Variants in BUB1B observed in about 807,000 individuals in gnomAD.
BUB1B encodes BUB1 mitotic checkpoint serine/threonine kinase B, also known as mitotic checkpoint serine/threonine-protein kinase BUB1 beta.
A neutral mutation model predicts 137.7 loss-of-function variants in BUB1B; 86 were observed. The ratio of observed to expected loss-of-function variants is 0.62; its 90% CI spans 0.52 to 0.75. The LOEUF is 0.75. Among genes scored for constraint, BUB1B ranks in the 30% least tolerant of loss-of-function variants. The probability of loss-of-function intolerance (pLI) is 0.00; values close to 1 mark genes in which losing one functional copy is unlikely to be tolerated. For missense variants in BUB1B, 1,130 were observed against 1,236.9 expected, an observed-to-expected ratio of 0.91 and a Z score of 1.30; for synonymous variants, 420 against 417.9, an observed-to-expected ratio of 1.00 and a Z score of -0.06.
chr15:40,165,446 A>G (rs986023085), intron 2 of BUB1B, among the ~76,000 whole-genome samples: 2 of 152,214 alleles, frequency 1.3e-5, no homozygotes, highest in African/African-American at 4.8e-5. Flanking sequence ...ATAGAAATAC[A>G]TTTTATACAG....
intron 10 of BUB1B, 28 bp from the exon 11 acceptor site, chr15:40,200,216 A>G (rs759692445): frequency 2.0e-6 from 3 of 1,507,990 alleles, no homozygotes; most frequent in East Asian, 4.6e-5. Flanking sequence ...TGGGAGGGAC[A>G]TTGATTTTGT....
chr15:40,165,497 A>G (rs1353874884), intron 2 of BUB1B, among the ~76,000 whole-genome samples: 4 of 152,226 alleles, frequency 2.6e-5, no homozygotes, highest in African/African-American at 9.6e-5. Flanking sequence ...TTATATTGCA[A>G]TGCTTCCCAA....
chr15:40,196,004 C>CT (rs1456551688), intron 8 of BUB1B, among the ~76,000 whole-genome samples: 1 of 152,068 alleles, frequency 6.6e-6, no homozygotes, highest in African/African-American at 2.4e-5. Context: ...ATCTAATTAT[C>CT]TTTGTTTTTG....
At chr15:40,193,468 C>CTTTTTTTTTTTTT (rs555918648) in intron 8 of BUB1B, among the ~76,000 whole-genome samples, 1 of 79,738 alleles carries the variant, frequency 1.3e-5, no homozygotes, top group East Asian at 3.3e-4. Context: ...CTTATTACCA[C>CTTTTTTTTTTTTT]TTTTTTTTTT....
At chr15:40,216,637 G>C (rs1044200151) in intron 20 of BUB1B, among the ~76,000 whole-genome samples, 34 of 144,198 alleles carry the variant, frequency 2.4e-4, no homozygotes, top group African/African-American at 8.4e-4. Context: ...CTTGTGCCAA[G>C]GAAAAATGAG....
chr15:40,183,862 CGTGTAGGAG>C lies in BUB1B; in HGVS notation c.734_742del (p.Val245_Gly247del). The C allele has an allele frequency of 6.2e-7, 1 of 1,614,046 alleles. No individual in the cohort carries two copies. The highest frequency in any genetic ancestry group is 8.5e-7 in the Non-Finnish European group (1 of 1,179,928). On this transcript the variant is annotated inframe_deletion, in exon 6 of 23. Coordinates refer to ENST00000287598, the MANE Select transcript of BUB1B (RefSeq NM_001211.6). The stretch of plus-strand genomic sequence containing the variant: ...AAAGACAGCAAGAGCTCCAATCATC[CGTGTAGGAG>C]GTGCTCTCAAGGGTAAGTTTGTTAA...
chr15:40,206,602 C>T (rs1347752089), intron 15 of BUB1B, 144 bp downstream of exon 15: 5 of 997,532 alleles, frequency 5.0e-6, no homozygotes, highest in South Asian at 1.4e-5. Flanking sequence ...TAGGGCTGCC[C>T]CAGATGAAGT....
At chr15:40,186,207 G>A (rs978501456) in intron 8 of BUB1B, among the ~76,000 whole-genome samples, 3 of 152,040 alleles carry the variant, frequency 2.0e-5, no homozygotes, top group African/African-American at 7.2e-5. Context: ...TGGGGATGTA[G>A]GGAAAAGATA....
At chr15:40,209,976 TA>T (rs2037690509) in intron 17 of BUB1B, 133 bp from the exon 18 acceptor site, 1 of 983,174 alleles carries the variant, frequency 1.0e-6, no homozygotes, top group African/African-American at 1.7e-5. Context: ...TTTAACAAAT[TA>T]TTTTTAAAAG....
Position 40,185,650 on chromosome 15 carries a change from T to A in BUB1B, c.1058+8T>A, listed in dbSNP as rs775972120. Reference sequence around the variant, plus strand: ...TGCACGACAGCCAGTTATGTGAGTGTGGTTTTTGGATATTTTGAAGTGGGA... The same window carrying A: ...TGCACGACAGCCAGTTATGTGAGTGAGGTTTTTGGATATTTTGAAGTGGGA... On this transcript the variant is annotated splice_region_variant and intron_variant, in intron 8 of 22. Transcript: ENST00000287598. 1 of 1,610,154 alleles carries A rather than the reference T, an allele frequency of 6.2e-7. No homozygotes were observed. The highest frequency in any genetic ancestry group is 8.5e-7 in the Non-Finnish European group (1 of 1,176,380).
chr15:40,196,552 T>C lies in BUB1B; in HGVS notation c.1066T>C (p.Cys356Arg), dbSNP rs370655726. The C allele has an allele frequency of 1.9e-6, 3 of 1,613,432 alleles. No homozygotes were observed. The highest frequency in any genetic ancestry group is 2.5e-6 in the Non-Finnish European group (3 of 1,179,478). The change falls in exon 9 of 23, where the codon TGT becomes CGT. Residue 356 changes from cysteine to arginine, a missense_variant. Transcript: ENST00000287598. ...GTAATTTTGCTTCTTTAGGACACCATGTAAAATTGAACCTAGTATAAACCA... is the reference window on the plus strand; with the variant it reads ...GTAATTTTGCTTCTTTAGGACACCACGTAAAATTGAACCTAGTATAAACCA... ...ETARQPVMTP[C>R]KIEPSINHIL...
intron 22 of BUB1B, among the ~76,000 whole-genome samples, chr15:40,220,006 G>A (rs2037871860): frequency 1.3e-5 from 2 of 152,142 alleles, no homozygotes; most frequent in South Asian, 4.1e-4. Context: ...GTCCAGGCAG[G>A]TCTGGCTAAC....
At chr15:40,161,735 A>T (rs890923905) in intron 1 of BUB1B, among the ~76,000 whole-genome samples, 2 of 152,176 alleles carry the variant, frequency 1.3e-5, no homozygotes, top group African/African-American at 2.4e-5. Flanking sequence ...TATCATAGAG[A>T]TCTAAATTAT....
At chr15:40,196,496 AT>A (rs762412384) in intron 8 of BUB1B, 48 bp from the exon 9 acceptor site, 19 of 1,463,456 alleles carry the variant, frequency 1.3e-5, no homozygotes, top group Admixed American at 1.1e-4. Flanking sequence ...AATCTTATTG[AT>A]TTTTTTTATT....
intron 8 of BUB1B, among the ~76,000 whole-genome samples, chr15:40,187,238 G>T (rs1365161709): frequency 6.6e-6 from 1 of 151,718 alleles, no homozygotes; most frequent in Non-Finnish European, 1.5e-5. Flanking sequence ...CCATTCTCCT[G>T]CCTCAGCCTC....
intron 4 of BUB1B, among the ~76,000 whole-genome samples, chr15:40,174,381 A>G (rs1359489646): frequency 6.6e-6 from 1 of 152,256 alleles, no homozygotes; most frequent in Non-Finnish European, 1.5e-5. Context: ...TTTGTTAAAG[A>G]TATAAATAAA....
chr15:40,216,763 GAATT>G (rs1009518537), intron 20 of BUB1B, among the ~76,000 whole-genome samples: 1 of 150,940 alleles, frequency 6.6e-6, no homozygotes, highest in African/African-American at 2.4e-5. Context: ...GAGTTTGAGG[GAATT>G]AATTGAGAAA....
chr15:40,177,985 A>G (rs2037241824), intron 5 of BUB1B, among the ~76,000 whole-genome samples: 1 of 150,316 alleles, frequency 6.7e-6, no homozygotes, highest in Admixed American at 6.6e-5. Flanking sequence ...TCTGGCTTGG[A>G]TATCAATTTT....
chr15:40,167,454 T>C (rs2037113712), intron 2 of BUB1B, among the ~76,000 whole-genome samples: 1 of 146,198 alleles, frequency 6.8e-6, no homozygotes, highest in East Asian at 2.2e-4. Flanking sequence ...GTGATTCTCC[T>C]GCCTCAGCCT....
Sources: gnomAD v4.1 joint callset for allele counts (sites outside exome capture counted in the v4.1 genomes callset) on GRCh38, gnomAD v4.1.1 for gene constraint, MANE v1.5 for transcripts, NCBI Gene and HGNC (gene_info 2026-07-23, HGNC 2026-07-21) for gene names.